The following AIG1 variants were observed in gnomAD, a reference collection of about 807,000 sequenced individuals.
AIG1 encodes the protein androgen-induced gene 1 protein.
A neutral mutation model predicts 31.4 loss-of-function variants in AIG1; 23 were observed. The ratio of observed to expected loss-of-function variants is 0.73; its 90% CI spans 0.53 to 1.04. The LOEUF (loss-of-function observed/expected upper bound fraction) is 1.04. Ranked by LOEUF, AIG1 falls within the 50% of genes least tolerant of loss-of-function variation. The probability of loss-of-function intolerance (pLI) is 0.00; values close to 1 mark genes in which losing one functional copy is unlikely to be tolerated. For synonymous variants in AIG1, 100 were observed against 110.5 expected, an observed-to-expected ratio of 0.90 and a Z score of 0.60; for missense variants, 274 against 295.0, an observed-to-expected ratio of 0.93 and a Z score of 0.52.
In AIG1 at chr6:143,261,400, G is replaced by A. The variant is rs1795773849; in HGVS notation, c.400-22710G>A. 3.3e-5 allele frequency among the ~76,000 whole-genome samples: 5 copies of A among 152,186 alleles called. No homozygotes were observed. In the South Asian group the frequency reaches 1.0e-3, roughly 32 times the overall value. ...ACCCGCCTCGGCCTCTCAAAGTGCT[G>A]GGATTACAGATGTGAGCCAATGCGC... On this transcript the variant is annotated intron_variant, in intron 3 of 5. Coordinates refer to ENST00000357847, the MANE Select transcript of AIG1 (RefSeq NM_016108.4).
chr6:143,141,150 G>A (rs1583302889), intron 2 of AIG1, among the ~76,000 whole-genome samples: 2 of 152,204 alleles, frequency 1.3e-5, no homozygotes, highest in Admixed American at 1.3e-4. Flanking sequence ...TGTACAGCTG[G>A]ATTTATCAAC....
intron 3 of AIG1, among the ~76,000 whole-genome samples, chr6:143,211,353 G>C (rs1271903291): frequency 6.6e-6 from 1 of 151,992 alleles, no homozygotes; most frequent in African/African-American, 2.4e-5. Flanking sequence ...AATAAGAATT[G>C]CATTGATGTG....
At chr6:143,148,145 G>A (rs905543849) in intron 2 of AIG1, among the ~76,000 whole-genome samples, 1 of 152,082 alleles carries the variant, frequency 6.6e-6, no homozygotes, top group Non-Finnish European at 1.5e-5. Flanking sequence ...GTTATGTGCT[G>A]TATAATGACG....
intron 3 of AIG1, among the ~76,000 whole-genome samples, chr6:143,190,784 CAT>C (rs1353970376): frequency 6.6e-6 from 1 of 152,168 alleles, no homozygotes; most frequent in South Asian, 2.1e-4. Context: ...TACTAGCACA[CAT>C]GTTTGAAAGC....
chr6:143,304,175 G>C (rs922299326), intron 4 of AIG1, among the ~76,000 whole-genome samples: 1 of 151,952 alleles, frequency 6.6e-6, no homozygotes, highest in African/African-American at 2.4e-5. Flanking sequence ...CTACAAACAG[G>C]GACAATTTGA....
At chr6:143,061,427 G>T (rs1776252091) in intron 1 of AIG1, 2 of 386,950 alleles carry the variant, frequency 5.2e-6, no homozygotes, top group Non-Finnish European at 1.0e-5. Context: ...ATCCTGAATG[G>T]CCTGAGACCC....
At position 143,325,035 on chromosome 6, in the gene AIG1, T is replaced by G. The variant is rs1776495242; in HGVS notation, c.516-8247T>G. Among the ~76,000 whole-genome samples, 1 of 152,200 alleles carries G rather than the reference T, an allele frequency of 6.6e-6. No individual in the cohort carries two copies. The highest frequency in any genetic ancestry group is 2.1e-4 in the South Asian group (1 of 4,820). On this transcript the variant is annotated intron_variant, in intron 4 of 5. Coordinates refer to ENST00000357847, the MANE Select transcript of AIG1 (RefSeq NM_016108.4). The surrounding 1 kb of genome is among the most constrained non-coding windows in gnomAD (Gnocchi z 4.3). ...TACCCAGTCAACATCCAAAGTAGAT[T>G]CGAATGTTGTACATACCACTTGGAA...
chr6:143,321,370 C>A (rs1195195994), intron 4 of AIG1, among the ~76,000 whole-genome samples: 2 of 151,660 alleles, frequency 1.3e-5, no homozygotes, highest in Non-Finnish European at 2.9e-5. Context: ...GAGGCCAAGG[C>A]GGGTGATCAC....
intron 1 of AIG1, among the ~76,000 whole-genome samples, chr6:143,133,400 C>G (rs1329592477): frequency 1.3e-5 from 2 of 152,096 alleles, no homozygotes; most frequent in Non-Finnish European, 2.9e-5. Flanking sequence ...CATCTCTATC[C>G]TGAATGAGCT....
intron 4 of AIG1, among the ~76,000 whole-genome samples, chr6:143,310,233 C>G (rs1195492499): frequency 1.3e-5 from 2 of 151,804 alleles, no homozygotes. Flanking sequence ...AATATCAACC[C>G]TATTCGGGGC....
At chr6:143,089,966 G>A (rs1779152896) in intron 1 of AIG1, among the ~76,000 whole-genome samples, 1 of 152,186 alleles carries the variant, frequency 6.6e-6, no homozygotes, top group African/African-American at 2.4e-5. Flanking sequence ...ATAAGCCAAT[G>A]TCTGGCACAT....
chr6:143,111,158 C>T (rs1781241348), intron 1 of AIG1, among the ~76,000 whole-genome samples: 1 of 152,154 alleles, frequency 6.6e-6, no homozygotes, highest in South Asian at 2.1e-4. Context: ...GGTTACTACT[C>T]TGTTTTTCTT....
intron 2 of AIG1, among the ~76,000 whole-genome samples, chr6:143,158,298 A>G (rs1785997803): frequency 6.6e-6 from 1 of 152,000 alleles, no homozygotes; most frequent in African/African-American, 2.4e-5. Context: ...GGGTCAGAGC[A>G]TTTCCCCAGT....
chr6:143,287,861 A>T (rs576574399), intron 4 of AIG1, among the ~76,000 whole-genome samples: 1 of 151,984 alleles, frequency 6.6e-6, no homozygotes, highest in East Asian at 1.9e-4. Flanking sequence ...TTTAGTTACC[A>T]TAAGTGTTTT....
At chr6:143,120,412 G>GT (rs1782143631) in intron 1 of AIG1, among the ~76,000 whole-genome samples, 2 of 152,254 alleles carry the variant, frequency 1.3e-5, no homozygotes, top group South Asian at 4.1e-4. Flanking sequence ...AGAAAAAGAG[G>GT]TTTAATGGAC....
chr6:143,073,658 T>C (rs1777488592), intron 1 of AIG1, among the ~76,000 whole-genome samples: 1 of 152,206 alleles, frequency 6.6e-6, no homozygotes, highest in Non-Finnish European at 1.5e-5. Flanking sequence ...AGAGGTTTAA[T>C]TGGCTCATGG....
intron 1 of AIG1, among the ~76,000 whole-genome samples, chr6:143,105,124 C>A (rs950860135): frequency 6.6e-6 from 1 of 152,020 alleles, no homozygotes; most frequent in African/African-American, 2.4e-5. Context: ...TGGCACAGAC[C>A]AGTGAGATCA....
downstream of AIG1, chr6:143,342,770 A>T (rs904425591): frequency 4.9e-6 from 4 of 813,064 alleles, no homozygotes; most frequent in African/African-American, 6.7e-5. Context: ...ATAGCTGCAA[A>T]CGTCCTTGTA....
At chr6:143,235,331 A>C (rs1361431636) in intron 3 of AIG1, among the ~76,000 whole-genome samples, 1 of 152,138 alleles carries the variant, frequency 6.6e-6, no homozygotes, top group Non-Finnish European at 1.5e-5. Flanking sequence ...GTGAGGACAT[A>C]CGTGTTTCTG....
Sources: allele counts gnomAD v4.1 joint callset (sites outside exome capture counted in the v4.1 genomes callset), GRCh38; gene constraint gnomAD v4.1.1; non-coding constraint Gnocchi (gnomAD v3.1); transcripts MANE v1.5; gene names NCBI Gene and HGNC (gene_info 2026-07-23, HGNC 2026-07-21).